RSF1: variants seen among roughly 807,000 people sequenced by gnomAD.
The protein encoded by RSF1 is HBV pX-associated protein 8.
Under a neutral mutation model 145.2 loss-of-function variants are expected in RSF1, and 13 were observed. That is an observed-to-expected ratio of 0.09 (90% confidence interval 0.06 to 0.14). The LOEUF (loss-of-function observed/expected upper bound fraction) is 0.14. Ranked by LOEUF, RSF1 falls within the 10% of genes least tolerant of loss-of-function variation. RSF1 has a pLI of 1.00. For missense variants in RSF1, 1,517 were observed against 1,718.2 expected, an observed-to-expected ratio of 0.88 and a Z score of 2.07; for synonymous variants, 577 against 592.6, an observed-to-expected ratio of 0.97 and a Z score of 0.38.
intron 4 of RSF1, 101 bp from the exon 5 acceptor site, chr11:77,725,800 C>T: frequency 4.5e-6 from 4 of 892,248 alleles, no homozygotes; most frequent in Non-Finnish European, 4.7e-6. Context: ...AAGAAAAATA[C>T]ATTAAGAACA....
At chr11:77,760,885 C>T (rs1200404191) in intron 2 of RSF1, among the ~76,000 whole-genome samples, 2 of 152,018 alleles carry the variant, frequency 1.3e-5, no homozygotes, top group Non-Finnish European at 2.9e-5. Flanking sequence ...TAGAAAAACA[C>T]CCCAGAAAAG....
chr11:77,730,270 A>G (rs1470707772), intron 4 of RSF1, among the ~76,000 whole-genome samples: 1 of 152,174 alleles, frequency 6.6e-6, no homozygotes, highest in African/African-American at 2.4e-5. Context: ...ATGGTTTAGA[A>G]ATGCATTCAT....
At chr11:77,772,208 T>A (rs915783759) in intron 1 of RSF1, among the ~76,000 whole-genome samples, 1 of 152,158 alleles carries the variant, frequency 6.6e-6, no homozygotes, top group East Asian at 1.9e-4. Context: ...GGGTCTCACA[T>A]CACTCAGGCT....
Position 77,747,310 on chromosome 11 carries a change from G to A in RSF1, c.280-182C>T, listed in dbSNP as rs73492001. ...AAAATGATAAAAAATATTTACTATT[G>A]TTTGATAACTGAATTTAAGGTAAGA... On this transcript the variant is annotated intron_variant, in intron 2 of 15. Coordinates refer to ENST00000308488, the MANE Select transcript of RSF1 (RefSeq NM_016578.4). Among the ~76,000 whole-genome samples the A allele has an allele frequency of 1.9e-3, 288 of 152,224 alleles. 2 individuals are homozygous for A. Among genetic ancestry groups the A allele is most frequent in the Middle Eastern group, 6.8e-3 (2 of 294 alleles).
intron 4 of RSF1, among the ~76,000 whole-genome samples, chr11:77,733,231 T>A (rs1455502558): frequency 1.3e-5 from 2 of 152,198 alleles, no homozygotes; most frequent in Admixed American, 1.3e-4. Context: ...TTTGGTGCTG[T>A]AAGCCATTTT....
chr11:77,849,038 CTT>C, the RSF1 span, among the ~76,000 whole-genome samples: 34 of 139,980 alleles, frequency 2.4e-4, no homozygotes, highest in Non-Finnish European at 2.2e-4. Context: ...AGTGGTGCTC[CTT>C]TTTTTTTTTT....
At chr11:77,774,613 T>TAAATAAATA (rs1948322372) in intron 1 of RSF1, among the ~76,000 whole-genome samples, 1 of 126,550 alleles carries the variant, frequency 7.9e-6, no homozygotes, top group African/African-American at 2.9e-5. Flanking sequence ...AATAAATAAA[T>TAAATAAATA]AAATAAAATA....
chr11:77,729,593 CA>C (rs763731047), intron 4 of RSF1, among the ~76,000 whole-genome samples: 2,240 of 138,648 alleles, frequency 0.016, 52 homozygotes, highest in African/African-American at 0.055. Context: ...CCCAACCCCA[CA>C]AAAAAAAAAA....
At chr11:77,672,382 A>T in intron 14 of RSF1, 152 bp from the exon 15 acceptor site, 1 of 651,802 alleles carries the variant, frequency 1.5e-6, no homozygotes, top group Non-Finnish European at 2.6e-6. Flanking sequence ...TATTTGAGAG[A>T]GTATCTCACT....
chr11:77,740,296 A>T (rs756842531), intron 4 of RSF1, among the ~76,000 whole-genome samples: 1 of 152,184 alleles, frequency 6.6e-6, no homozygotes, highest in Non-Finnish European at 1.5e-5. Flanking sequence ...AATTGCTTGA[A>T]CCTGGGAGAT....
chr11:77,698,570 C>T lies in RSF1; in HGVS notation c.2632G>A (p.Glu878Lys). ...ATGGCTTCTTCACTTTCCTTTTCTT[C>T]CTCCTCTTCTGAAGCTGCAGATGAT... The part of the protein sequence containing the change: ...EKSSAASEEE[E>K]EKESEEAILA... Residue 878 changes from glutamate to lysine, a missense_variant, in exon 7 of 16, where the codon GAA becomes AAA. Coordinates refer to ENST00000308488, the MANE Select transcript of RSF1 (RefSeq NM_016578.4). 6.2e-7 allele frequency: 1 copy of T among 1,614,122 alleles called. No homozygotes were observed. The highest frequency in any genetic ancestry group is 8.5e-7 in the Non-Finnish European group (1 of 1,180,012).
intron 7 of RSF1, 105 bp downstream of exon 7, chr11:77,698,382 C>T: frequency 1.1e-6 from 1 of 904,298 alleles, no homozygotes; most frequent in Non-Finnish European, 1.8e-6. Flanking sequence ...TACAAGTTAT[C>T]ATTAAGAAAT....
Position 77,817,177 on chromosome 11 carries a change from C to T in RSF1, c.187+3351G>A, listed in dbSNP as rs550590129. 2.0e-5 allele frequency among the ~76,000 whole-genome samples: 3 copies of T among 152,334 alleles called. No homozygotes were observed. The South Asian group carries it at 6.2e-4, about 32-fold the overall frequency. On this transcript the variant is annotated intron_variant, in intron 1 of 15. Transcript: ENST00000308488. The stretch of plus-strand genomic sequence containing the variant: ...AGCAGCCCTAGGCCAGAAATAATAA[C>T]ACTTCCACTTATTAAGTAGTCAGTA...
intron 15 of RSF1, among the ~76,000 whole-genome samples, chr11:77,667,720 T>A (rs1014601998): frequency 6.6e-6 from 1 of 152,190 alleles, no homozygotes; most frequent in Non-Finnish European, 1.5e-5. Flanking sequence ...TTTTTTTTTA[T>A]TGAGACAGAG....
intron 7 of RSF1, 49 bp from the exon 8 acceptor site, chr11:77,693,660 A>T (rs922584649): frequency 1.6e-5 from 21 of 1,314,304 alleles, no homozygotes; most frequent in Non-Finnish European, 2.3e-5. Context: ...AAATTCAATG[A>T]CTCTTAGGTT....
chr11:77,746,294 G>A (rs1001941804), intron 3 of RSF1, among the ~76,000 whole-genome samples: 1 of 152,114 alleles, frequency 6.6e-6, no homozygotes, highest in African/African-American at 2.4e-5. Flanking sequence ...GGATCTTGAA[G>A]ACTTCTGTGT....
At chr11:77,692,771 G>C (rs548956152) in intron 8 of RSF1, among the ~76,000 whole-genome samples, 69 of 151,374 alleles carry the variant, frequency 4.6e-4, no homozygotes, top group Middle Eastern at 3.4e-3. Flanking sequence ...TCTGTCTCCC[G>C]GGTTCAATCG....
At chr11:77,696,916 A>G (rs1183132760) in intron 7 of RSF1, among the ~76,000 whole-genome samples, 1 of 152,234 alleles carries the variant, frequency 6.6e-6, no homozygotes, top group Non-Finnish European at 1.5e-5. Context: ...AATTTCACTG[A>G]TAATACATTT....
chr11:77,674,700 CAT>C (rs1392104790), intron 14 of RSF1, among the ~76,000 whole-genome samples: 2 of 152,198 alleles, frequency 1.3e-5, no homozygotes, highest in Non-Finnish European at 2.9e-5. Flanking sequence ...CTCCAGAAGT[CAT>C]AAGAATTTGT....
Sources: allele counts gnomAD v4.1 joint callset (sites outside exome capture counted in the v4.1 genomes callset), GRCh38; gene constraint gnomAD v4.1.1; transcripts MANE v1.5; gene names NCBI Gene and HGNC (gene_info 2026-07-23, HGNC 2026-07-21).